The following SNTB1 variants were observed in gnomAD, a reference collection of about 807,000 sequenced individuals.
The protein encoded by SNTB1 is syntrophin beta 1.
In SNTB1, 36 loss-of-function variants were observed where a neutral mutation model predicts 48.9. The ratio of observed to expected loss-of-function variants is 0.74; its 90% CI spans 0.56 to 0.97. The LOEUF (loss-of-function observed/expected upper bound fraction) is 0.97, where lower values mean the gene tolerates loss of function less well. Among genes scored for constraint, SNTB1 ranks in the 50% least tolerant of loss-of-function variants. SNTB1 has a pLI of 0.00. For synonymous variants in SNTB1, 299 were observed against 294.6 expected (o/e 1.01, Z -0.15); for missense variants, 786 against 703.4 (o/e 1.12, Z -1.33).
intron 1 of SNTB1, among the ~76,000 whole-genome samples, chr8:120,779,395 T>C (rs138088783): frequency 0.039 from 5,858 of 152,070 alleles, 365 homozygotes; most frequent in African/African-American, 0.13. Context: ...CCCAGCTACT[T>C]GGGAGGCTGA....
At chr8:120,662,325 A>G (rs941942892) in intron 2 of SNTB1, among the ~76,000 whole-genome samples, 11 of 152,218 alleles carry the variant, frequency 7.2e-5, no homozygotes, top group Admixed American at 2.6e-4. Context: ...ATGAAATTCA[A>G]TCTTTCTCAT....
At chr8:120,609,233 A>ATATCTTC (rs1158753632) in intron 3 of SNTB1, among the ~76,000 whole-genome samples, 11 of 152,052 alleles carry the variant, frequency 7.2e-5, no homozygotes, top group Non-Finnish European at 1.3e-4. Context: ...AAAATATCTT[A>ATATCTTC]AAAACTAGAC....
rs1815293381 is a variant in SNTB1, at chr8:120,541,847, A to C, written c.1487T>G (p.Met496Arg). Residue 496 changes from methionine (M) to arginine (R), a missense_variant, in exon 6 of 7, where the codon ATG becomes AGG. Coordinates refer to ENST00000517992, the MANE Select transcript of SNTB1 (RefSeq NM_021021.4). Reference protein sequence around the residue: ...LKMSSDDGIRMLYLDFGGKDG... With the variant: ...LKMSSDDGIRRLYLDFGGKDG... Reference sequence around the variant, plus strand: ...TTTGCCTCCAAAATCTAAATACAGCATCCTGATTCCATCATCTGAAGACAT... The same window carrying C: ...TTTGCCTCCAAAATCTAAATACAGCCTCCTGATTCCATCATCTGAAGACAT... 1.9e-6 allele frequency: 3 copies of C among 1,613,794 alleles called. No homozygotes were observed. The highest frequency in any genetic ancestry group is 1.7e-5 in the Admixed American group (1 of 59,986).
At chr8:120,586,695 A>AT (rs1467385021) in intron 3 of SNTB1, among the ~76,000 whole-genome samples, 1 of 152,116 alleles carries the variant, frequency 6.6e-6, no homozygotes, top group African/African-American at 2.4e-5. Context: ...GGGGGTTAGG[A>AT]TGTGGACATC....
chr8:120,591,444 T>C (rs1816239411), intron 3 of SNTB1, among the ~76,000 whole-genome samples: 1 of 152,144 alleles, frequency 6.6e-6, no homozygotes, highest in Non-Finnish European at 1.5e-5. Context: ...GATAGATTTG[T>C]CAGAGATGCA....
chr8:120,797,546 CTTTTTTTTTTTT>C (rs60374035), intron 1 of SNTB1, among the ~76,000 whole-genome samples: 14 of 69,112 alleles, frequency 2.0e-4, no homozygotes, highest in South Asian at 6.9e-4. Context: ...ACTTGTTTCT[CTTTTTTTTTTTT>C]TTTTTTTTTT....
At chr8:120,653,338 T>A (rs1817439863) in intron 2 of SNTB1, among the ~76,000 whole-genome samples, 1 of 151,962 alleles carries the variant, frequency 6.6e-6, no homozygotes, top group East Asian at 1.9e-4. Context: ...AAGAAGGTGA[T>A]GTGAAGGTGG....
chr8:120,775,750 G>GGAAA (rs1819724887), intron 1 of SNTB1, among the ~76,000 whole-genome samples: 1 of 132,006 alleles, frequency 7.6e-6, no homozygotes, highest in Non-Finnish European at 1.6e-5. Context: ...AAGGAAGGAA[G>GGAAA]GAAGGAAAGA....
intron 6 of SNTB1, 44 bp from the exon 7 acceptor site, chr8:120,539,013 GC>G: frequency 1.4e-6 from 2 of 1,464,436 alleles, no homozygotes; most frequent in Non-Finnish European, 1.9e-6. Context: ...TTAAATTAAT[GC>G]TTGATGTAGA....
In SNTB1 at chr8:120,750,870, G is replaced by T. The variant is rs199657754; in HGVS notation, c.572-56962C>A. Among the ~76,000 whole-genome samples, 167 of 152,196 alleles carry T rather than the reference G, an allele frequency of 1.1e-3. 3 individuals carry two copies. The highest frequency in any genetic ancestry group is 2.1e-3 in the Non-Finnish European group (142 of 68,010). The stretch of plus-strand genomic sequence containing the variant: ...GGAAGGAATTTAAGTATGGGGAAAA[G>T]CTCCTGCAGAATCTAAAAGAATCCC... On this transcript the variant is annotated intron_variant, in intron 1 of 6. Transcript: ENST00000517992.
At chr8:120,796,786 C>G (rs1343164845) in intron 1 of SNTB1, among the ~76,000 whole-genome samples, 1 of 152,014 alleles carries the variant, frequency 6.6e-6, no homozygotes, top group Admixed American at 6.6e-5. Flanking sequence ...ATTCTTCCCT[C>G]GGTCTATGTG....
chr8:120,673,004 T>C (rs1817781016), intron 2 of SNTB1, among the ~76,000 whole-genome samples: 1 of 152,222 alleles, frequency 6.6e-6, no homozygotes, highest in African/African-American at 2.4e-5. Flanking sequence ...GTGTCTTCTC[T>C]GTGGCTCCAC....
At chr8:120,782,236 C>T (rs1353713645) in intron 1 of SNTB1, among the ~76,000 whole-genome samples, 5 of 152,088 alleles carry the variant, frequency 3.3e-5, no homozygotes, top group Admixed American at 2.0e-4. Context: ...AATATAACCT[C>T]GTTTTAGCTA....
At chr8:120,785,050 T>C (rs1324402709) in intron 1 of SNTB1, among the ~76,000 whole-genome samples, 8 of 152,158 alleles carry the variant, frequency 5.3e-5, no homozygotes, top group African/African-American at 1.9e-4. Context: ...ACCCTCAGAC[T>C]CCAGCAGGGA....
At chr8:120,553,097 A>C (rs4345605) in intron 4 of SNTB1, among the ~76,000 whole-genome samples, 1 of 152,000 alleles carries the variant, frequency 6.6e-6, no homozygotes, top group African/African-American at 2.4e-5. Context: ...GTGCAGTCCC[A>C]TTCCTAACAG....
At chr8:120,724,280 A>T (rs978877268) in intron 1 of SNTB1, among the ~76,000 whole-genome samples, 2 of 152,212 alleles carry the variant, frequency 1.3e-5, no homozygotes, top group Admixed American at 6.5e-5. Context: ...AGTGAGAGCC[A>T]TGGGCCCAGG....
intron 3 of SNTB1, among the ~76,000 whole-genome samples, chr8:120,591,693 A>G (rs1816242437): frequency 6.6e-6 from 1 of 151,714 alleles, no homozygotes; most frequent in Non-Finnish European, 1.5e-5. Context: ...TACTAACCTC[A>G]CCCCAACAAA....
intron 3 of SNTB1, among the ~76,000 whole-genome samples, chr8:120,609,320 T>C (rs555831369): frequency 2.9e-4 from 44 of 152,340 alleles, no homozygotes; most frequent in Non-Finnish European, 5.6e-4. Context: ...TCTGTGTTCC[T>C]TAAACTGAAG....
chr8:120,602,929 T>A (rs1410707445), intron 3 of SNTB1, among the ~76,000 whole-genome samples: 2 of 152,112 alleles, frequency 1.3e-5, no homozygotes, highest in East Asian at 3.9e-4. Context: ...TGTTTAAAAG[T>A]CATGTTAAGA....
Sources: allele counts gnomAD v4.1 joint callset (sites outside exome capture counted in the v4.1 genomes callset), GRCh38; gene constraint gnomAD v4.1.1; transcripts MANE v1.5; gene names NCBI Gene and HGNC (gene_info 2026-07-23, HGNC 2026-07-21).